Variants in PIK3CD observed in about 807,000 individuals in gnomAD.
PIK3CD encodes the protein phosphatidylinositol 4,5-bisphosphate 3-kinase catalytic subunit delta isoform.
PIK3CD carries 20 observed loss-of-function variants against 122.9 expected under a neutral mutation model. The observed-to-expected ratio is 0.16, with a 90% confidence interval of 0.11 to 0.24. The LOEUF is 0.24. Ranked by LOEUF, PIK3CD falls within the 10% of genes least tolerant of loss-of-function variation. PIK3CD has a pLI of 1.00. For synonymous variants in PIK3CD, 596 were observed against 593.4 expected, an observed-to-expected ratio of 1.00 and a Z score of -0.06; for missense variants, 787 against 1,406.3, an observed-to-expected ratio of 0.56 and a Z score of 7.04.
chr1:9,644,365 T>C, the PIK3CD span, among the ~76,000 whole-genome samples: 3 of 151,700 alleles, frequency 2.0e-5, no homozygotes, highest in South Asian at 2.1e-4. Flanking sequence ...AAATACAAAA[T>C]TAGCTGGGCG....
chr1:9,706,701 T>G (rs1646844977), intron 2 of PIK3CD, among the ~76,000 whole-genome samples: 2 of 152,246 alleles, frequency 1.3e-5, no homozygotes, highest in Admixed American at 6.5e-5. Context: ...CTATTGATTA[T>G]GTGTTAAAAT....
At position 9,724,742 on chromosome 1, in the gene PIK3CD, C is replaced by T. The variant is rs533408883; in HGVS notation, c.2865-62C>T. 3.4e-4 allele frequency: 549 copies of T among 1,603,450 alleles called. 8 individuals are homozygous for T. In the South Asian group the frequency reaches 3.9e-3, roughly 11 times the overall value. On this transcript the variant is annotated intron_variant, in intron 22 of 23. Coordinates refer to ENST00000377346, the MANE Select transcript of PIK3CD (RefSeq NM_005026.5). This position sits in a 1 kb window ranked among gnomAD's most constrained non-coding sequence, Gnocchi z 7.3. Reference sequence around the variant, plus strand: ...GGGAAGGGGCTGGTTGGATGCAGAGCGGCCCTCTGGCCTGTGGCTGGGAGT... The same window carrying T: ...GGGAAGGGGCTGGTTGGATGCAGAGTGGCCCTCTGGCCTGTGGCTGGGAGT...
chr1:9,690,060 C>G (rs914197429), intron 1 of PIK3CD, among the ~76,000 whole-genome samples: 1 of 152,180 alleles, frequency 6.6e-6, no homozygotes, highest in Non-Finnish European at 1.5e-5. Context: ...CGAGGACGCG[C>G]CTGTTCGGGG....
chr1:9,710,582 A>G lies in PIK3CD; in HGVS notation c.127A>G (p.Ser43Gly). Reference protein sequence around the residue: ...NFPVSRNANLSTIKQLLWHRA... With the variant: ...NFPVSRNANLGTIKQLLWHRA... ...CCCTGTGTCCCGCAATGCCAACCTC[A>G]GCACCATCAAGCAGGTATGGCCTCC... Residue 43 changes from serine (S) to glycine (G), a missense_variant, in exon 3 of 24, where the codon AGC becomes GGC. By Grantham distance (56) the Ser-to-Gly change is moderately conservative. Coordinates refer to ENST00000377346, the MANE Select transcript of PIK3CD (RefSeq NM_005026.5). The surrounding 1 kb of genome is among the most constrained non-coding windows in gnomAD (Gnocchi z 4.7). 6.2e-7 allele frequency: 1 copy of G among 1,613,906 alleles called. No homozygotes were observed. The highest frequency in any genetic ancestry group is 8.5e-7 in the Non-Finnish European group (1 of 1,179,974).
the PIK3CD span, among the ~76,000 whole-genome samples, chr1:9,644,556 T>TAA: frequency 7.9e-5 from 12 of 151,730 alleles, no homozygotes; most frequent in South Asian, 2.1e-4. Context: ...AATAAATAAA[T>TAA]ATGTAACCTT....
Position 9,659,257 on chromosome 1 carries a change from C to T in PIK3CD, c.-138+7455C>T, listed in dbSNP as rs142481325. Among the ~76,000 whole-genome samples the T allele has an allele frequency of 7.5e-3, 1,146 of 152,152 alleles. 12 individuals are homozygous for T. The highest frequency in any genetic ancestry group is 0.026 in the African/African-American group (1,090 of 41,490). On this transcript the variant is annotated intron_variant, in intron 1 of 23. Coordinates refer to ENST00000377346, the MANE Select transcript of PIK3CD (RefSeq NM_005026.5). Reference sequence around the variant, plus strand: ...TGGGTTGATAGGTACAGCAAACCACCGTAGCACACGTTTACCTATGCAACA... The same window carrying T: ...TGGGTTGATAGGTACAGCAAACCACTGTAGCACACGTTTACCTATGCAACA...
At chr1:9,629,121 G>A in the PIK3CD span, among the ~76,000 whole-genome samples, 2 of 152,132 alleles carry the variant, frequency 1.3e-5, no homozygotes, top group Non-Finnish European at 2.9e-5. Context: ...GGCCACTGAC[G>A]CCTCTAAGGA....
At chr1:9,702,047 T>G (rs1646653719) in intron 2 of PIK3CD, among the ~76,000 whole-genome samples, 1 of 151,496 alleles carries the variant, frequency 6.6e-6, no homozygotes, top group Non-Finnish European at 1.5e-5. Flanking sequence ...CAGGCTGAAG[T>G]GCAGTGGTGC....
At chr1:9,671,794 G>C (rs979674439) in intron 1 of PIK3CD, among the ~76,000 whole-genome samples, 4 of 152,170 alleles carry the variant, frequency 2.6e-5, no homozygotes, top group Non-Finnish European at 5.9e-5. Flanking sequence ...TTGGGTATCT[G>C]AGGCAAATAC....
intron 1 of PIK3CD, among the ~76,000 whole-genome samples, chr1:9,671,900 G>T (rs1352647666): frequency 6.6e-6 from 1 of 152,230 alleles, no homozygotes; most frequent in Non-Finnish European, 1.5e-5. Flanking sequence ...TGGACTGGAA[G>T]GTATGGCAGC....
chr1:9,703,390 C>T (rs943239561), intron 2 of PIK3CD, among the ~76,000 whole-genome samples: 13 of 152,118 alleles, frequency 8.5e-5, no homozygotes, highest in African/African-American at 9.7e-5. Context: ...TCAGCTTATC[C>T]GAACCACTTG....
rs529167205 is a variant in PIK3CD, at chr1:9,717,813, G to A, written c.1020+187G>A. 1.3e-5 allele frequency among the ~76,000 whole-genome samples: 2 copies of A among 152,292 alleles called. No individual in the cohort carries two copies. The highest frequency in any genetic ancestry group is 4.8e-5 in the African/African-American group (2 of 41,568). ...GAAGTGGGGAGGGGGTGGGCCAGCC[G>A]GCCCTGGAGGCTGATTCGTAGAAAC... On this transcript the variant is annotated intron_variant, in intron 8 of 23. Transcript: ENST00000377346. This position sits in a 1 kb window ranked among gnomAD's most constrained non-coding sequence, Gnocchi z 5.4.
At chr1:9,706,642 A>G (rs181641746) in intron 2 of PIK3CD, among the ~76,000 whole-genome samples, 29 of 152,286 alleles carry the variant, frequency 1.9e-4, no homozygotes, top group Middle Eastern at 3.4e-3. Flanking sequence ...CCAGATTTCA[A>G]AGATTCGATA....
intron 1 of PIK3CD, among the ~76,000 whole-genome samples, chr1:9,657,033 G>A (rs1198422743): frequency 6.6e-6 from 1 of 152,058 alleles, no homozygotes; most frequent in Admixed American, 6.6e-5. Context: ...GCTCCCTCTG[G>A]GGGCTGTAGG....
At chr1:9,708,719 G>A (rs1646938961) in intron 2 of PIK3CD, among the ~76,000 whole-genome samples, 1 of 151,868 alleles carries the variant, frequency 6.6e-6, no homozygotes, top group Admixed American at 6.6e-5. Flanking sequence ...CGTGGTGGCA[G>A]GCGCCTGTAA....
At chr1:9,682,622 T>C (rs1442741771) in intron 1 of PIK3CD, among the ~76,000 whole-genome samples, 3 of 152,184 alleles carry the variant, frequency 2.0e-5, no homozygotes, top group Non-Finnish European at 4.4e-5. Flanking sequence ...CGATTTCAGC[T>C]CACTGCCATC....
At chr1:9,706,341 A>G (rs79887079) in intron 2 of PIK3CD, among the ~76,000 whole-genome samples, 2 of 151,622 alleles carry the variant, frequency 1.3e-5, no homozygotes, top group Non-Finnish European at 2.9e-5. Flanking sequence ...AAAAAAAAAA[A>G]AGTTAGCAGG....
chr1:9,628,170 C>T, the PIK3CD span, among the ~76,000 whole-genome samples: 1 of 152,038 alleles, frequency 6.6e-6, no homozygotes, highest in African/African-American at 2.4e-5. Context: ...GGCGTGGTGG[C>T]GCATTCCTGT....
chr1:9,721,977 G>T lies in PIK3CD; in HGVS notation c.2058G>T (p.Gly686=). 6.2e-7 allele frequency: 1 copy of T among 1,613,570 alleles called. No individual in the cohort carries two copies. Among genetic ancestry groups the T allele is most frequent in the African/African-American group, 1.3e-5 (1 of 75,058 alleles). The change falls in exon 17 of 24, where the codon GGG becomes GGT. Residue 686 remains glycine (G), a splice_region_variant and synonymous_variant. Coordinates refer to ENST00000377346, the MANE Select transcript of PIK3CD (RefSeq NM_005026.5). ...THHMKVLMKQ[G]EALSKLKALN... ...CCGCCCTCCCATCTGCCCACCAGGG[G>T]GAAGCACTGAGCAAACTGAAGGCCC...
Sources: gnomAD v4.1 joint callset for allele counts (sites outside exome capture counted in the v4.1 genomes callset) on GRCh38, gnomAD v4.1.1 for gene constraint, Gnocchi (gnomAD v3.1) non-coding constraint, MANE v1.5 for transcripts, NCBI Gene and HGNC (gene_info 2026-07-23, HGNC 2026-07-21) for gene names.